The following NHLRC2 variants were observed in gnomAD, a reference collection of about 807,000 sequenced individuals.
NHLRC2 encodes the protein NHL repeat-containing protein 2.
Under a neutral mutation model 68.1 loss-of-function variants are expected in NHLRC2, and 33 were observed. The ratio of observed to expected loss-of-function variants is 0.48; its 90% CI spans 0.37 to 0.65. NHLRC2 has a LOEUF of 0.65. Ranked by LOEUF, NHLRC2 falls within the 30% of genes least tolerant of loss-of-function variation. NHLRC2 has a pLI of 0.00. For missense variants in NHLRC2, 761 were observed against 853.8 expected (o/e 0.89, Z 1.35); for synonymous variants, 311 against 309.6 (o/e 1.00, Z -0.05).
rs1429980454 is a variant in NHLRC2 at position 113,916,073 on chromosome 10, C to T, written c.*7537C>T. On this transcript the variant is annotated 3_prime_UTR_variant, in exon 11 of 11. Coordinates refer to ENST00000369301, the MANE Select transcript of NHLRC2 (RefSeq NM_198514.4). ...CTCTGAACATTTAGAAGGACTCTGC[C>T]CTACAACTATCTTCTGTTTTTAGAA... The T allele has an allele frequency of 1.3e-5, 2 of 152,098 alleles. No individual in the cohort carries two copies. Among genetic ancestry groups the T allele is most frequent in the Non-Finnish European group, 2.9e-5 (2 of 68,026 alleles). 9.4% of individuals were successfully genotyped at this position (152,098 alleles called of 1,614,324 possible). A position where few individuals can be genotyped will look rare whatever the true frequency, so the allele number is the denominator to read the frequency against.
At chr10:113,898,260 T>G (rs777535843) in intron 6 of NHLRC2, 51 bp downstream of exon 6, 1 of 1,256,414 alleles carries the variant, frequency 8.0e-7, no homozygotes, top group Non-Finnish European at 1.2e-6. Flanking sequence ...GGTGTTCATA[T>G]AATTTCTTTT....
At chr10:113,875,286 T>C (rs1306616145) in intron 2 of NHLRC2, among the ~76,000 whole-genome samples, 1 of 152,138 alleles carries the variant, frequency 6.6e-6, no homozygotes, top group South Asian at 2.1e-4. Context: ...AACCCAGTTA[T>C]TCAGTTATCA....
chr10:113,897,675 G>A (rs1284447515), intron 5 of NHLRC2, among the ~76,000 whole-genome samples: 1 of 152,192 alleles, frequency 6.6e-6, no homozygotes, highest in Non-Finnish European at 1.5e-5. Context: ...AAAATTAATT[G>A]TGGAAAGCTT....
At chr10:113,880,300 A>G (rs1207922382) in intron 4 of NHLRC2, among the ~76,000 whole-genome samples, 1 of 151,900 alleles carries the variant, frequency 6.6e-6, no homozygotes. Flanking sequence ...TTTTGTAGAG[A>G]ATTTTTTAAA....
intron 5 of NHLRC2, among the ~76,000 whole-genome samples, chr10:113,897,085 T>C (rs1284688294): frequency 6.6e-6 from 1 of 152,188 alleles, no homozygotes; most frequent in African/African-American, 2.4e-5. Flanking sequence ...ATAAGATTAT[T>C]CATTTTCGTG....
chr10:113,892,699 T>C (rs1002300713), intron 5 of NHLRC2, among the ~76,000 whole-genome samples: 1 of 151,956 alleles, frequency 6.6e-6, no homozygotes, highest in African/African-American at 2.4e-5. Flanking sequence ...TCTTCAGTGC[T>C]CAGGGTAAAA....
chr10:113,870,894 T>A (rs1845916890), intron 2 of NHLRC2, among the ~76,000 whole-genome samples: 1 of 152,202 alleles, frequency 6.6e-6, no homozygotes, highest in African/African-American at 2.4e-5. Context: ...GTTAATCTTA[T>A]GTTTATATGG....
At chr10:113,873,681 G>A (rs79562456) in intron 2 of NHLRC2, among the ~76,000 whole-genome samples, 2,208 of 152,232 alleles carry the variant, frequency 0.015, 55 homozygotes, top group African/African-American at 0.05. Flanking sequence ...AGGAAAGATG[G>A]ATATAAAGTA....
intron 2 of NHLRC2, among the ~76,000 whole-genome samples, chr10:113,865,372 A>T (rs114592628): frequency 1.9e-3 from 288 of 148,756 alleles, no homozygotes; most frequent in African/African-American, 6.7e-3. Flanking sequence ...TCACTTGTTA[A>T]TGTGGTGGAG....
intron 5 of NHLRC2, 132 bp downstream of exon 5, chr10:113,884,512 G>A (rs1846064670): frequency 1.7e-6 from 1 of 588,744 alleles, no homozygotes; most frequent in Non-Finnish European, 2.8e-6. Flanking sequence ...ATGCCTCAGA[G>A]TTTGTTAATT....
rs1344594550 is a variant in NHLRC2 at position 113,888,830 on chromosome 10, T to TC, written c.1039+4450_1039+4451insC. Among the ~76,000 whole-genome samples, 3 of 150,294 alleles carry TC rather than the reference T, an allele frequency of 2.0e-5. No homozygotes were observed. The East Asian group carries it at 5.8e-4, about 29-fold the overall frequency. ...GTTGAAACTCCTATCAGTATCTTTT[T>TC]TTTTTTTTTTTTTTGAGACTGAGGC... On this transcript the variant is annotated intron_variant, in intron 5 of 10. Transcript: ENST00000369301.
At chr10:113,903,090 A>G (rs567781631) in intron 8 of NHLRC2, among the ~76,000 whole-genome samples, 1 of 152,348 alleles carries the variant, frequency 6.6e-6, no homozygotes, top group East Asian at 1.9e-4. Flanking sequence ...ATGTGAGACC[A>G]TAAATTTAAT....
Position 113,911,721 on chromosome 10 carries a change from GAT to G in NHLRC2, c.*3187_*3188del, listed in dbSNP as rs1170681547. 3.3e-5 allele frequency: 5 copies of G among 152,118 alleles called. No homozygotes were observed. Among genetic ancestry groups the G allele is most frequent in the Non-Finnish European group, 7.4e-5 (5 of 67,994 alleles). 9.4% of individuals were successfully genotyped at this position (152,118 alleles called of 1,614,324 possible). On this transcript the variant is annotated 3_prime_UTR_variant, in exon 11 of 11. Coordinates refer to ENST00000369301, the MANE Select transcript of NHLRC2 (RefSeq NM_198514.4). ...ATTTATGTCTACCAGTTAAAAATACGATAGTTAGATTTGGCATCACGTTTAAC... is the reference window on the plus strand; with the variant it reads ...ATTTATGTCTACCAGTTAAAAATACGAGTTAGATTTGGCATCACGTTTAAC...
chr10:113,899,073 G>T (rs1346682626), intron 6 of NHLRC2, among the ~76,000 whole-genome samples: 2 of 152,058 alleles, frequency 1.3e-5, no homozygotes, highest in Non-Finnish European at 2.9e-5. Flanking sequence ...TGTACCTGGT[G>T]TATAGTTACA....
intron 6 of NHLRC2, among the ~76,000 whole-genome samples, chr10:113,899,237 G>A (rs1846207266): frequency 6.6e-6 from 1 of 152,036 alleles, no homozygotes; most frequent in African/African-American, 2.4e-5. Context: ...CTTGTACCTA[G>A]CACAGTATTT....
Position 113,904,956 on chromosome 10 carries a change from A to C in NHLRC2, c.1844A>C (p.Gln615Pro). The C allele has an allele frequency of 1.3e-6, 2 of 1,582,532 alleles. No individual in the cohort carries two copies. Among genetic ancestry groups the C allele is most frequent in the Non-Finnish European group, 1.7e-6 (2 of 1,167,952 alleles). ...ACTGCGTGTGCTGGCCAGACTCTTC[A>C]GTTCAAACTCAGATTAGACCTCCCA... ...PVTACAGQTL[Q>P]FKLRLDLPSG... Residue 615 changes from glutamine (Q) to proline (P), a missense_variant, in exon 10 of 11, where the codon CAG becomes CCG. Physicochemically the swap from Gln to Pro is moderately conservative, Grantham distance 76. Transcript: ENST00000369301.
intron 10 of NHLRC2, among the ~76,000 whole-genome samples, chr10:113,905,570 C>G (rs1350100177): frequency 1.3e-5 from 2 of 152,108 alleles, no homozygotes; most frequent in Admixed American, 1.3e-4. Context: ...ACCTGGTGGA[C>G]AAAAATTTTA....
intron 2 of NHLRC2, among the ~76,000 whole-genome samples, chr10:113,874,735 AT>A (rs976643788): frequency 6.6e-6 from 1 of 150,680 alleles, no homozygotes; most frequent in South Asian, 2.1e-4. Flanking sequence ...GGTTCTGTTT[AT>A]TTTTTTTCAA....
chr10:113,898,359 A>G, intron 6 of NHLRC2, 150 bp downstream of exon 6: 1 of 520,540 alleles, frequency 1.9e-6, no homozygotes, highest in East Asian at 3.2e-5. Flanking sequence ...GACTTAAAAC[A>G]AGGCGTGTTT....
Sources: allele counts gnomAD v4.1 joint callset (sites outside exome capture counted in the v4.1 genomes callset), GRCh38; gene constraint gnomAD v4.1.1; transcripts MANE v1.5; gene names NCBI Gene and HGNC (gene_info 2026-07-23, HGNC 2026-07-21).